Variants in NAMPT observed in about 807,000 individuals in gnomAD.
NAMPT encodes nicotinamide phosphoribosyltransferase.
In NAMPT, 7 loss-of-function variants were observed where a neutral mutation model predicts 58.7. The observed-to-expected ratio is 0.12, with a 90% confidence interval of 0.07 to 0.22. The LOEUF (loss-of-function observed/expected upper bound fraction) is 0.22, where lower values mean the gene tolerates loss of function less well. NAMPT is among the 10% of genes least tolerant of loss of function. The probability of loss-of-function intolerance (pLI) is 1.00; values close to 1 mark genes in which losing one functional copy is unlikely to be tolerated. For missense variants in NAMPT, 271 were observed against 567.9 expected, an observed-to-expected ratio of 0.48 and a Z score of 5.31; for synonymous variants, 145 against 198.1, an observed-to-expected ratio of 0.73 and a Z score of 2.25.
rs372358080 is a variant in NAMPT, at chr7:106,277,230, A to T, written c.58-51T>A. 1.0e-5 allele frequency: 15 copies of T among 1,435,950 alleles called. No individual in the cohort carries two copies. In the African/African-American group the frequency reaches 2.0e-4, roughly 19 times the overall value. The allele number at this position is 1,435,950 out of a possible 1,614,324, so 89.0% of individuals were successfully genotyped here. On this transcript the variant is annotated intron_variant, in intron 1 of 10. Transcript: ENST00000222553. ...AGAAAACACCGATGAGTAGACTATA[A>T]ATCACAACAGAAAAGGCTTGAAGTT...
Position 106,250,440 on chromosome 7 carries a change from A to G in NAMPT, c.*643T>C, listed in dbSNP as rs912946642. The G allele has an allele frequency of 6.6e-6, 1 of 152,508 alleles. No homozygotes were observed. The highest frequency in any genetic ancestry group is 2.4e-5 in the African/African-American group (1 of 41,392). 9.4% of individuals were successfully genotyped at this position (152,508 alleles called of 1,614,324 possible). A position where few individuals can be genotyped will look rare whatever the true frequency, so the allele number is the denominator to read the frequency against. ...CCTAGACATTCCAGTAAGAACCATT[A>G]TTTTCTTTAATGTAGAATGATTAAT... On this transcript the variant is annotated 3_prime_UTR_variant, in exon 11 of 11. Coordinates refer to ENST00000222553, the MANE Select transcript of NAMPT (RefSeq NM_005746.3).
At chr7:106,254,338 A>G (rs1447742009) in intron 9 of NAMPT, 26 bp downstream of exon 9, 1 of 1,612,202 alleles carries the variant, frequency 6.2e-7, no homozygotes, top group Non-Finnish European at 8.5e-7. Flanking sequence ...AGGTAGTAAC[A>G]CAGAAGTAAT....
Position 106,263,386 on chromosome 7 carries a change from A to C in NAMPT, c.969+6T>G. 6.3e-7 allele frequency: 1 copy of C among 1,584,836 alleles called. No individual in the cohort carries two copies. The highest frequency in any genetic ancestry group is 2.2e-5 in the East Asian group (1 of 44,662). ...TCTAATAATAAAGTTACATATGAAA[A>C]TTTACCTTTAACACAGTGTCAAGAG... is the stretch of plus-strand genomic sequence containing the variant. On this transcript the variant is annotated splice_donor_region_variant and intron_variant, in intron 7 of 10. Coordinates refer to ENST00000222553, the MANE Select transcript of NAMPT (RefSeq NM_005746.3).
At chr7:106,277,615 G>C (rs1195045207) in intron 1 of NAMPT, among the ~76,000 whole-genome samples, 2 of 152,152 alleles carry the variant, frequency 1.3e-5, no homozygotes, top group East Asian at 1.9e-4. Flanking sequence ...TACTTTACTT[G>C]TACAATGAGG....
At position 106,263,551 on chromosome 7, in the gene NAMPT, T is replaced by A. The variant is rs1792351899; in HGVS notation, c.810A>T (p.Ser270=). Residue 270 remains serine, a synonymous_variant, in exon 7 of 11, where the codon TCA becomes TCT. Transcript: ENST00000222553. ...CGCTGACCACAGATACAGGCACTGA[T>A]GAAAACTGTGTTACAATATGTTCAA... ...DAFEHIVTQF[S]SVPVSVVSDS... is the part of the protein sequence containing the mutation. The A allele has an allele frequency of 6.2e-7, 1 of 1,613,534 alleles. No individual in the cohort carries two copies. The highest frequency in any genetic ancestry group is 2.2e-5 in the East Asian group (1 of 44,858).
At position 106,254,432 on chromosome 7, in the gene NAMPT, G is replaced by A; in HGVS notation, c.1162C>T (p.Gln388Ter). 6.2e-7 allele frequency: 1 copy of A among 1,613,880 alleles called. No homozygotes were observed. The highest frequency in any genetic ancestry group is 8.5e-7 in the Non-Finnish European group (1 of 1,179,810). ...IAFGSGGGLL[Q>*]KLTRDLLNCS... The stretch of plus-strand genomic sequence containing the variant: ...TTCAAGAGATCTCTTGTCAACTTCT[G>A]TAGCAAACCTCCACCAGAACCGAAG... Residue 388 changes from glutamine to a stop codon, truncating the protein, a stop_gained, in exon 9 of 11, where the codon CAG becomes TAG. Transcript: ENST00000222553. LOFTEE classifies it high-confidence loss of function.
At chr7:106,258,435 A>T (rs1792247921) in intron 8 of NAMPT, among the ~76,000 whole-genome samples, 1 of 152,236 alleles carries the variant, frequency 6.6e-6, no homozygotes, top group Non-Finnish European at 1.5e-5. Context: ...ATACATCAAA[A>T]TGTCAGTGGT....
chr7:106,277,990 G>A (rs2115825900), intron 1 of NAMPT, among the ~76,000 whole-genome samples: 1 of 152,314 alleles, frequency 6.6e-6, no homozygotes, highest in South Asian at 2.1e-4. Context: ...TAAAGTGGAA[G>A]AATAATGTGT....
chr7:106,285,032 G>T (rs1029262947), upstream of NAMPT: 17 of 1,397,984 alleles, frequency 1.2e-5, no homozygotes, highest in South Asian at 2.5e-4. Flanking sequence ...AGAGGGGAGG[G>T]GTCAGAGGAG....
At chr7:106,285,419 G>A, upstream of NAMPT, 3 of 572,958 alleles carry the variant, frequency 5.2e-6, no homozygotes, top group Non-Finnish European at 6.6e-6. Flanking sequence ...GCCCCGCCTG[G>A]GACCTTCCGT....
intron 10 of NAMPT, among the ~76,000 whole-genome samples, chr7:106,252,095 T>C (rs1792114021): frequency 6.6e-6 from 1 of 152,156 alleles, no homozygotes; most frequent in African/African-American, 2.4e-5. Flanking sequence ...GCCTAGATGA[T>C]TATGAATTAT....
intron 8 of NAMPT, among the ~76,000 whole-genome samples, chr7:106,260,509 C>T (rs1371709356): frequency 6.6e-6 from 1 of 152,220 alleles, no homozygotes; most frequent in African/African-American, 2.4e-5. Context: ...AAAGCTGTTT[C>T]ACTTTCTTAT....
rs10227493 is a variant in NAMPT at position 106,277,689 on chromosome 7, C to T, written c.58-510G>A. 2.7e-3 allele frequency among the ~76,000 whole-genome samples: 416 copies of T among 152,184 alleles called. 3 individuals carry two copies. Among genetic ancestry groups the T allele is most frequent in the African/African-American group, 9.5e-3 (394 of 41,530 alleles). The stretch of plus-strand genomic sequence containing the variant: ...ATGAAAACCTGGATGACAGCAACGG[C>T]GGTGGCAGCAAAGTAAAGCAGCAAA... On this transcript the variant is annotated intron_variant, in intron 1 of 10. Coordinates refer to ENST00000222553, the MANE Select transcript of NAMPT (RefSeq NM_005746.3).
chr7:106,275,494 AATTAACTTTTCTTATCCGT>A (rs1361327828), intron 2 of NAMPT: 3 of 153,172 alleles, frequency 2.0e-5, no homozygotes, highest in African/African-American at 7.2e-5. Flanking sequence ...ACACACTTTT[AATTAACTTTTCTTATCCGT>A]AAATGAGGAT....
At chr7:106,277,264 A>C (rs1272196074) in intron 1 of NAMPT, 85 bp from the exon 2 acceptor site, 4 of 1,120,648 alleles carry the variant, frequency 3.6e-6, no homozygotes, top group Non-Finnish European at 3.9e-6. Flanking sequence ...TTATTTCAAA[A>C]CCAGAGAAAC....
intron 8 of NAMPT, among the ~76,000 whole-genome samples, chr7:106,255,774 TTAAA>T (rs1421177132): frequency 1.3e-5 from 2 of 152,116 alleles, no homozygotes; most frequent in East Asian, 3.9e-4. Flanking sequence ...AGGTTTTCCT[TTAAA>T]TAATTGTGAA....
chr7:106,271,294 C>A (rs1792528541), intron 4 of NAMPT, among the ~76,000 whole-genome samples: 1 of 152,218 alleles, frequency 6.6e-6, no homozygotes, highest in East Asian at 1.9e-4. Flanking sequence ...GCCATTTCTT[C>A]AGCTCTTCCT....
chr7:106,268,386 GT>G, intron 6 of NAMPT, 77 bp downstream of exon 6: 1 of 1,366,516 alleles, frequency 7.3e-7, no homozygotes. Context: ...TGGCTCTGCA[GT>G]TAGGTAAAAT....
At chr7:106,278,713 A>G (rs182803072) in intron 1 of NAMPT, among the ~76,000 whole-genome samples, 44 of 152,322 alleles carry the variant, frequency 2.9e-4, no homozygotes, top group African/African-American at 1.0e-3. Flanking sequence ...AGACACCTCT[A>G]CCTAAAAACA....
Sources: gnomAD v4.1 joint callset for allele counts (sites outside exome capture counted in the v4.1 genomes callset) on GRCh38, gnomAD v4.1.1 for gene constraint, MANE v1.5 for transcripts, NCBI Gene and HGNC (gene_info 2026-07-23, HGNC 2026-07-21) for gene names.